AKIRIN2: variants seen among roughly 807,000 people sequenced by gnomAD.
AKIRIN2 encodes akirin 2.
A neutral mutation model predicts 29.3 loss-of-function variants in AKIRIN2; 6 were observed. That is an observed-to-expected ratio of 0.20 (90% CI 0.11 to 0.40). The LOEUF (loss-of-function observed/expected upper bound fraction) is 0.40, where lower values mean the gene tolerates loss of function less well. Ranked by LOEUF, AKIRIN2 falls within the 10% of genes least tolerant of loss-of-function variation. AKIRIN2 has a pLI of 1.00. For synonymous variants in AKIRIN2, 128 were observed against 117.5 expected (o/e 1.09, Z -0.58); for missense variants, 210 against 276.1 (o/e 0.76, Z 1.70).
intron 1 of AKIRIN2, among the ~76,000 whole-genome samples, chr6:87,687,885 T>G (rs2128301899): frequency 6.6e-6 from 1 of 152,308 alleles, no homozygotes; most frequent in Non-Finnish European, 1.5e-5. Context: ...CAGTGGCTCA[T>G]GCAAGGCCGA....
intron 1 of AKIRIN2, among the ~76,000 whole-genome samples, chr6:87,698,216 T>C (rs1168422230): frequency 6.6e-6 from 1 of 152,156 alleles, no homozygotes; most frequent in Non-Finnish European, 1.5e-5. Flanking sequence ...TCCTTTTCCA[T>C]ACCCAGGGGT....
intron 3 of AKIRIN2, 44 bp downstream of exon 3, chr6:87,677,772 TCA>T: frequency 6.3e-7 from 1 of 1,582,902 alleles, no homozygotes; most frequent in Non-Finnish European, 8.6e-7. Flanking sequence ...AAAATGCATT[TCA>T]CACAACTGAG....
At chr6:87,698,553 T>C (rs1477683774) in intron 1 of AKIRIN2, among the ~76,000 whole-genome samples, 1 of 152,218 alleles carries the variant, frequency 6.6e-6, no homozygotes, top group Non-Finnish European at 1.5e-5. Flanking sequence ...AATATGGCTA[T>C]ACTTTGTCAA....
At chr6:87,689,219 G>A (rs564312645) in intron 1 of AKIRIN2, among the ~76,000 whole-genome samples, 7 of 152,114 alleles carry the variant, frequency 4.6e-5, no homozygotes, top group Admixed American at 1.3e-4. Flanking sequence ...TAGCATACCC[G>A]GGCCAGGCGC....
intron 3 of AKIRIN2, 99 bp downstream of exon 3, chr6:87,677,719 A>C: frequency 5.1e-6 from 7 of 1,379,778 alleles, no homozygotes; most frequent in Non-Finnish European, 6.9e-6. Context: ...CTCAGAGAAT[A>C]TACCGCACCA....
intron 1 of AKIRIN2, among the ~76,000 whole-genome samples, chr6:87,694,985 A>G (rs957710081): frequency 6.6e-6 from 1 of 152,222 alleles, no homozygotes; most frequent in African/African-American, 2.4e-5. Context: ...ATATAGATAC[A>G]ATATCATCTC....
At chr6:87,686,951 CAGG>C (rs1335961675) in intron 1 of AKIRIN2, among the ~76,000 whole-genome samples, 1 of 147,108 alleles carries the variant, frequency 6.8e-6, no homozygotes, top group African/African-American at 2.5e-5. Context: ...GAGACTGAAG[CAGG>C]AGAATTGCTT....
Position 87,691,004 on chromosome 6 carries a change from A to G in AKIRIN2, c.236-9241T>C, listed in dbSNP as rs374355913. 3.3e-5 allele frequency among the ~76,000 whole-genome samples: 5 copies of G among 152,230 alleles called. No homozygotes were observed. In the South Asian group the frequency reaches 6.2e-4, roughly 19 times the overall value. ...CAACAAAAAGACCACCTCTCACACC[A>G]TAAGACACTCATTAGAAGTCTACAT... On this transcript the variant is annotated intron_variant, in intron 1 of 4. Transcript: ENST00000257787.
intron 1 of AKIRIN2, among the ~76,000 whole-genome samples, chr6:87,690,050 A>G (rs974491355): frequency 6.6e-6 from 1 of 152,054 alleles, no homozygotes; most frequent in Non-Finnish European, 1.5e-5. Flanking sequence ...GTCTCTACTA[A>G]AACTACAAAA....
chr6:87,701,453 TG>T lies in AKIRIN2; in HGVS notation c.231del (p.Thr78GlnfsTer8). ...SPFGDVSSRLTTEQILYNIKQ... is the reference protein window; with the variant it reads ...SPFGDVSSRLXTEQILYNIKQ... Reference sequence around the variant, plus strand: ...CGGCCGCGGGGCCGGGTCCCACCTGTGGTGAGGCGGGAGGAGACGTCGCCGA... The same window carrying T: ...CGGCCGCGGGGCCGGGTCCCACCTGTGTGAGGCGGGAGGAGACGTCGCCGA... On this transcript the variant is annotated frameshift_variant, in exon 1 of 5. Coordinates refer to ENST00000257787, the MANE Select transcript of AKIRIN2 (RefSeq NM_018064.4). LOFTEE classifies it high-confidence loss of function. The T allele has an allele frequency of 6.5e-7, 1 of 1,530,020 alleles. No individual in the cohort carries two copies. The highest frequency in any genetic ancestry group is 8.8e-7 in the Non-Finnish European group (1 of 1,140,340). 94.8% of individuals were successfully genotyped at this position (1,530,020 alleles called of 1,614,324 possible).
At chr6:87,692,608 T>G (rs1274454341) in intron 1 of AKIRIN2, among the ~76,000 whole-genome samples, 1 of 151,568 alleles carries the variant, frequency 6.6e-6, no homozygotes, top group Non-Finnish European at 1.5e-5. Flanking sequence ...GGTCAGGAGT[T>G]CAAGACCAGC....
At chr6:87,676,020 T>C (rs750524244) in intron 3 of AKIRIN2, 89 bp from the exon 4 acceptor site, 63 of 1,100,802 alleles carry the variant, frequency 5.7e-5, no homozygotes, top group Non-Finnish European at 7.5e-5. Flanking sequence ...AGTAAAACAA[T>C]TCTAAGTTGA....
intron 1 of AKIRIN2, among the ~76,000 whole-genome samples, chr6:87,693,403 A>G (rs754364651): frequency 9.2e-5 from 14 of 151,918 alleles, no homozygotes; most frequent in Non-Finnish European, 1.3e-4. Flanking sequence ...ACAGGTATTT[A>G]TATCTAGCCA....
chr6:87,681,490 T>C, intron 2 of AKIRIN2, 130 bp downstream of exon 2: 1 of 876,288 alleles, frequency 1.1e-6, no homozygotes, highest in Non-Finnish European at 1.7e-6. Context: ...TAAGATGTCA[T>C]GCATTACTTG....
In AKIRIN2 at chr6:87,701,688, C is replaced by A; in HGVS notation, c.-4G>T. On this transcript the variant is annotated 5_prime_UTR_variant, in exon 1 of 5. Coordinates refer to ENST00000257787, the MANE Select transcript of AKIRIN2 (RefSeq NM_018064.4). The stretch of plus-strand genomic sequence containing the variant: ...TCAGAGTGGCTCCGCACGCCATGGC[C>A]GGGGGCAGCTGAGGCGCCGGGCTCG... 6.9e-7 allele frequency: 1 copy of A among 1,443,838 alleles called. No homozygotes were observed. Among genetic ancestry groups the A allele is most frequent in the Non-Finnish European group, 9.1e-7 (1 of 1,100,874 alleles). 89.4% of individuals were successfully genotyped at this position (1,443,838 alleles called of 1,614,324 possible). A position where few individuals can be genotyped will look rare whatever the true frequency, so the allele number is the denominator to read the frequency against.
At chr6:87,695,887 G>GAA (rs151077971) in intron 1 of AKIRIN2, among the ~76,000 whole-genome samples, 1 of 152,000 alleles carries the variant, frequency 6.6e-6, no homozygotes, top group East Asian at 1.9e-4. Context: ...ACACTTAGCA[G>GAA]AAAAAACCTG....
At chr6:87,678,394 C>G (rs906847897) in intron 2 of AKIRIN2, among the ~76,000 whole-genome samples, 1 of 151,304 alleles carries the variant, frequency 6.6e-6, no homozygotes, top group Non-Finnish European at 1.5e-5. Context: ...CCCAGCTACT[C>G]GGGAGGCTGA....
At chr6:87,686,860 A>G (rs1468888841) in intron 1 of AKIRIN2, among the ~76,000 whole-genome samples, 1 of 151,932 alleles carries the variant, frequency 6.6e-6, no homozygotes, top group Admixed American at 6.6e-5. Flanking sequence ...AGGCTGGCCA[A>G]CATGACGAAA....
intron 1 of AKIRIN2, among the ~76,000 whole-genome samples, chr6:87,693,470 C>T (rs559464377): frequency 6.6e-6 from 1 of 152,312 alleles, no homozygotes; most frequent in South Asian, 2.1e-4. Context: ...TGGCTCACGC[C>T]TGTAATCCCA....
Sources: gnomAD v4.1 joint callset for allele counts (sites outside exome capture counted in the v4.1 genomes callset) on GRCh38, gnomAD v4.1.1 for gene constraint, MANE v1.5 for transcripts, NCBI Gene and HGNC (gene_info 2026-07-23, HGNC 2026-07-21) for gene names.